Variants in DPCD observed in about 807,000 individuals in gnomAD.
The protein encoded by DPCD is protein DPCD.
Under a neutral mutation model 26.4 loss-of-function variants are expected in DPCD, and 20 were observed. The observed-to-expected ratio is 0.76, with a 90% confidence interval of 0.53 to 1.10. The LOEUF is 1.10. DPCD is among the 50% of genes least tolerant of loss of function. The pLI is 0.00. For missense variants in DPCD, 202 were observed against 253.9 expected (o/e 0.80, Z 1.39); for synonymous variants, 97 against 94.2 (o/e 1.03, Z -0.17).
chr10:101,588,430 G>GT (rs908068023), intron 1 of DPCD, 30 bp downstream of exon 1: 4 of 1,569,362 alleles, frequency 2.5e-6, no homozygotes, highest in African/African-American at 1.3e-5. Context: ...GGGCTCCTTC[G>GT]TTTTTTTCCC....
intron 1 of DPCD, among the ~76,000 whole-genome samples, chr10:101,589,083 G>A (rs1002752023): frequency 6.6e-6 from 1 of 152,238 alleles, no homozygotes; most frequent in Non-Finnish European, 1.5e-5. Context: ...GTCCTTTCTG[G>A]ACCCACTGGG....
chr10:101,601,279 A>G lies in DPCD; in HGVS notation c.347A>G (p.Tyr116Cys), dbSNP rs765178131. The G allele has an allele frequency of 1.2e-5, 20 of 1,613,828 alleles. No individual in the cohort carries two copies. The highest frequency in any genetic ancestry group is 1.2e-4 in the South Asian group (11 of 91,054). The stretch of plus-strand genomic sequence containing the variant: ...AACCTCCCCTATCCTAAGGATGTCT[A>G]TAGTGTCTCTGTGGACCAGAAGGAG... ...IRNLPYPKDV[Y>C]SVSVDQKERC... is the part of the protein sequence containing the mutation. The change falls in exon 4 of 6, where the codon TAT (tyrosine) becomes TGT (cysteine). Residue 116 changes from tyrosine to cysteine, a missense_variant. By Grantham distance (194) the Tyr-to-Cys change is radical (BLOSUM62 -2). This residue lies in a region of DPCD where 118 missense variants were observed against 145.1 expected (regional missense o/e 0.81). Transcript: ENST00000370151.
At chr10:101,592,251 G>C (rs2134753984) in intron 1 of DPCD, among the ~76,000 whole-genome samples, 1 of 152,242 alleles carries the variant, frequency 6.6e-6, no homozygotes, top group South Asian at 2.1e-4. Context: ...CCTGTGTTGG[G>C]TACCTGTAAT....
At chr10:101,605,196 A>G in intron 4 of DPCD, 2 of 1,550,430 alleles carry the variant, frequency 1.3e-6, no homozygotes, top group African/African-American at 1.4e-5. Context: ...GCAGGTGTGC[A>G]TGGCACCCCC....
intron 1 of DPCD, among the ~76,000 whole-genome samples, chr10:101,589,772 T>G (rs555903828): frequency 6.6e-6 from 1 of 152,152 alleles, no homozygotes; most frequent in South Asian, 2.1e-4. Context: ...TAATTCCAGC[T>G]ACTCTGGAGG....
At position 101,603,715 on chromosome 10, in the gene DPCD, C is replaced by A. The variant is rs2063714794; in HGVS notation, c.404+2379C>A. Among the ~76,000 whole-genome samples, 1 of 151,710 alleles carries A rather than the reference C, an allele frequency of 6.6e-6. No homozygotes were observed. Among genetic ancestry groups the A allele is most frequent in the South Asian group, 2.1e-4 (1 of 4,806 alleles). On this transcript the variant is annotated intron_variant, in intron 4 of 5. Coordinates refer to ENST00000370151, the MANE Select transcript of DPCD (RefSeq NM_015448.3). This position sits in a 1 kb window ranked among gnomAD's most constrained non-coding sequence, Gnocchi z 4.6. ...GAGGTTGCAGTGAGCCAAGATCATG[C>A]CATTGCACTCCAGCCTGGGTGACAG...
chr10:101,600,802 C>A lies in DPCD; in HGVS notation c.210C>A (p.Asp70Glu). The A allele has an allele frequency of 1.2e-6, 2 of 1,613,914 alleles. No individual in the cohort carries two copies. Among genetic ancestry groups the A allele is most frequent in the Non-Finnish European group, 1.7e-6 (2 of 1,179,978 alleles). ...AMGQWQLEVG[D>E]PAPLGAGNLG... is the part of the protein sequence containing the mutation. The stretch of plus-strand genomic sequence containing the variant: ...GCCAGTGGCAGCTTGAAGTAGGAGA[C>A]CCAGCGCCCCTAGGAGCAGGGAACC... Residue 70 changes from aspartate (D) to glutamate (E), a missense_variant, in exon 3 of 6, where the codon GAC becomes GAA. By Grantham distance (45) the Asp-to-Glu change is conservative. Around this residue, in one of 3 missense-constraint regions of DPCD, gnomAD observed 37 missense variants for 76.0 expected, o/e 0.49. Coordinates refer to ENST00000370151, the MANE Select transcript of DPCD (RefSeq NM_015448.3). The surrounding 1 kb of genome is among the most constrained non-coding windows in gnomAD (Gnocchi z 4.7).
intron 2 of DPCD, among the ~76,000 whole-genome samples, chr10:101,597,704 C>T (rs2063664137): frequency 6.6e-6 from 1 of 152,338 alleles, no homozygotes; most frequent in East Asian, 1.9e-4. Context: ...GAAGCTGCCT[C>T]ACACCAGTTT....
chr10:101,590,061 TG>T lies in DPCD; in HGVS notation c.64+1663del, dbSNP rs147110009. ...GAGCGAGACCCTGTCTCAAAAAAACTGGAAAAAAAAAAAAAAAAAAGAATTA... is the reference window on the plus strand; with the variant it reads ...GAGCGAGACCCTGTCTCAAAAAAACTGAAAAAAAAAAAAAAAAAAGAATTA... On this transcript the variant is annotated intron_variant, in intron 1 of 5. Transcript: ENST00000370151. 3.9e-3 allele frequency among the ~76,000 whole-genome samples: 274 copies of T among 70,918 alleles called. 3 individuals carry two copies. Among genetic ancestry groups the T allele is most frequent in the Middle Eastern group, 6.8e-3 (1 of 148 alleles). The allele number at this position is 70,918 out of a possible 152,430, so 46.5% of individuals were successfully genotyped here.
At position 101,600,923 on chromosome 10, in the gene DPCD, G is replaced by A. The variant is rs2063691691; in HGVS notation, c.270+61G>A. The stretch of plus-strand genomic sequence containing the variant: ...AGGTGGGGGTGGGCTGTGGGCTGCT[G>A]GCTCTTGAGGGCAGGGACCATGTCT... On this transcript the variant is annotated intron_variant, in intron 3 of 5. Coordinates refer to ENST00000370151, the MANE Select transcript of DPCD (RefSeq NM_015448.3). The surrounding 1 kb of genome is among the most constrained non-coding windows in gnomAD (Gnocchi z 4.7). 1.2e-6 allele frequency: 2 copies of A among 1,608,616 alleles called. No individual in the cohort carries two copies. The highest frequency in any genetic ancestry group is 1.7e-6 in the Non-Finnish European group (2 of 1,178,614).
At chr10:101,597,589 C>T (rs1055952916) in intron 2 of DPCD, among the ~76,000 whole-genome samples, 3 of 152,152 alleles carry the variant, frequency 2.0e-5, no homozygotes, top group Non-Finnish European at 4.4e-5. Context: ...AGCCCCCAGG[C>T]GCCACCTCCT....
intron 1 of DPCD, among the ~76,000 whole-genome samples, chr10:101,591,830 C>T (rs1213840020): frequency 1.3e-5 from 2 of 151,894 alleles, no homozygotes; most frequent in African/African-American, 4.8e-5. Context: ...TATAGGCGCC[C>T]GCCACCAAGC....
intron 5 of DPCD, 124 bp from the exon 6 acceptor site, chr10:101,609,243 A>G: frequency 2.2e-6 from 2 of 895,170 alleles, no homozygotes; most frequent in South Asian, 1.7e-5. Flanking sequence ...CAAATCATTC[A>G]ATCCTACAGG....
At chr10:101,598,978 A>T (rs2063673532) in intron 2 of DPCD, among the ~76,000 whole-genome samples, 1 of 152,154 alleles carries the variant, frequency 6.6e-6, no homozygotes, top group Non-Finnish European at 1.5e-5. Flanking sequence ...GTTGTGTTCT[A>T]TTATAAAGTG....
chr10:101,598,234 A>T (rs904714089), intron 2 of DPCD, among the ~76,000 whole-genome samples: 2 of 151,222 alleles, frequency 1.3e-5, no homozygotes, highest in African/African-American at 4.9e-5. Flanking sequence ...CCCATGACTT[A>T]CAGGGGCACC....
chr10:101,594,818 C>T, intron 2 of DPCD, 80 bp downstream of exon 2: 1 of 1,360,550 alleles, frequency 7.3e-7, no homozygotes, highest in South Asian at 1.2e-5. Context: ...TAGCCTTAGG[C>T]TTGAGGTAGG....
chr10:101,609,586 A>G lies in DPCD; in HGVS notation c.*115A>G. The G allele has an allele frequency of 2.3e-6, 2 of 854,894 alleles. No individual in the cohort carries two copies. The highest frequency in any genetic ancestry group is 3.7e-6 in the Non-Finnish European group (2 of 543,304). 53.0% of individuals were successfully genotyped at this position (854,894 alleles called of 1,614,324 possible). On this transcript the variant is annotated 3_prime_UTR_variant, in exon 6 of 6. Coordinates refer to ENST00000370151, the MANE Select transcript of DPCD (RefSeq NM_015448.3). Reference sequence around the variant, plus strand: ...TAGGAGCTATCAAGGGTCTCTAAGAACTGGGCATGGGGCACTCCTAGCCAG... The same window carrying G: ...TAGGAGCTATCAAGGGTCTCTAAGAGCTGGGCATGGGGCACTCCTAGCCAG...
At chr10:101,592,324 G>A (rs1305529508) in intron 1 of DPCD, among the ~76,000 whole-genome samples, 1 of 152,160 alleles carries the variant, frequency 6.6e-6, no homozygotes, top group Non-Finnish European at 1.5e-5. Flanking sequence ...AGGCTGTAGT[G>A]TGCTATAATC....
intron 4 of DPCD, among the ~76,000 whole-genome samples, chr10:101,607,350 C>A (rs1473902892): frequency 6.6e-6 from 1 of 152,228 alleles, no homozygotes; most frequent in Non-Finnish European, 1.5e-5. Flanking sequence ...GGCATTCCAT[C>A]CCCGGTTTGC....
Sources: allele counts gnomAD v4.1 joint callset (sites outside exome capture counted in the v4.1 genomes callset), GRCh38; gene constraint gnomAD v4.1.1; regional missense constraint gnomAD v4.1.1; non-coding constraint Gnocchi (gnomAD v3.1); transcripts MANE v1.5; gene names NCBI Gene and HGNC (gene_info 2026-07-23, HGNC 2026-07-21).